The following SNX2 variants were observed in gnomAD, a reference collection of about 807,000 sequenced individuals.
SNX2 encodes the protein sorting nexin-2.
In SNX2, 25 loss-of-function variants were observed where a neutral mutation model predicts 69.9. That is an observed-to-expected ratio of 0.36 (90% CI 0.26 to 0.50). The LOEUF (loss-of-function observed/expected upper bound fraction) is 0.50, where lower values mean the gene tolerates loss of function less well. Ranked by LOEUF, SNX2 falls within the 20% of genes least tolerant of loss-of-function variation. The pLI, the probability that SNX2 is intolerant of heterozygous loss-of-function variation, is 0.97. For missense variants in SNX2, 551 were observed against 613.3 expected, an observed-to-expected ratio of 0.90 and a Z score of 1.07; for synonymous variants, 229 against 200.4, an observed-to-expected ratio of 1.14 and a Z score of -1.20.
At position 122,830,036 on chromosome 5, in the gene SNX2, T is replaced by A. The variant is rs765516684; in HGVS notation, c.*388T>A. On this transcript the variant is annotated 3_prime_UTR_variant, in exon 15 of 15. Transcript: ENST00000379516. The stretch of plus-strand genomic sequence containing the variant: ...AGTGAATTACCAATGCTTTGAATAA[T>A]GTTCACTTATACATTCCTGTACAGA... 30 of 165,686 alleles carry A rather than the reference T, an allele frequency of 1.8e-4. No individual in the cohort carries two copies. The highest frequency in any genetic ancestry group is 3.3e-4 in the Non-Finnish European group (25 of 76,316). The allele number at this position is 165,686 out of a possible 1,614,324, so 10.3% of individuals were successfully genotyped here. A position where few individuals can be genotyped will look rare whatever the true frequency, so the allele number is the denominator to read the frequency against.
chr5:122,813,712 A>G (rs1753831930), intron 7 of SNX2, among the ~76,000 whole-genome samples: 1 of 151,702 alleles, frequency 6.6e-6, no homozygotes, highest in South Asian at 2.1e-4. Flanking sequence ...AAGCTGTTTT[A>G]GAATATAAAT....
intron 1 of SNX2, among the ~76,000 whole-genome samples, chr5:122,784,132 G>T (rs1373557318): frequency 6.6e-6 from 1 of 151,388 alleles, no homozygotes; most frequent in Non-Finnish European, 1.5e-5. Flanking sequence ...GTAGGTTTTT[G>T]TAGAGTCCGA....
In SNX2 at chr5:122,797,328, A is replaced by T. The variant is rs74846964; in HGVS notation, c.226+1945A>T. ...GTGTTTGTTTTAAAAAAAGAGAGAG[A>T]TGGGAACTAAAGAACAATAAACATA... On this transcript the variant is annotated intron_variant, in intron 2 of 14. Transcript: ENST00000379516. 3.9e-5 allele frequency among the ~76,000 whole-genome samples: 6 copies of T among 152,350 alleles called. No homozygotes were observed. The East Asian group carries it at 1.2e-3, about 29-fold the overall frequency.
chr5:122,790,601 A>G (rs1753211357), intron 1 of SNX2, among the ~76,000 whole-genome samples: 1 of 152,198 alleles, frequency 6.6e-6, no homozygotes, highest in African/African-American at 2.4e-5. Flanking sequence ...TTATAACCTA[A>G]TGTCAGAAGT....
intron 7 of SNX2, among the ~76,000 whole-genome samples, chr5:122,811,825 C>CTAAATAAATAAA (rs376912042): frequency 0.11 from 14,645 of 131,820 alleles, 909 homozygotes; most frequent in African/African-American, 0.17. Context: ...GACTCCGTCT[C>CTAAATAAATAAA]TAAATAAATA....
chr5:122,826,343 A>G (rs1754149767), intron 12 of SNX2, 150 bp downstream of exon 12: 1 of 664,448 alleles, frequency 1.5e-6, no homozygotes, highest in East Asian at 3.0e-5. Context: ...TAACATTTTG[A>G]TCATTATTAT....
At chr5:122,802,152 T>C (rs765010484) in intron 5 of SNX2, 28 bp downstream of exon 5, 3 of 1,591,696 alleles carry the variant, frequency 1.9e-6, no homozygotes, top group Non-Finnish European at 2.6e-6. Context: ...TTAAAAAAAC[T>C]ATCGAGCCCT....
At chr5:122,822,866 C>T (rs952254995) in intron 11 of SNX2, among the ~76,000 whole-genome samples, 1 of 152,078 alleles carries the variant, frequency 6.6e-6, no homozygotes, top group Non-Finnish European at 1.5e-5. Context: ...ATAAAACATA[C>T]TAAAAAAATG....
At chr5:122,794,372 C>A (rs1011212235) in intron 1 of SNX2, among the ~76,000 whole-genome samples, 2 of 152,084 alleles carry the variant, frequency 1.3e-5, no homozygotes, top group Admixed American at 6.6e-5. Context: ...ATATAAATGT[C>A]TTGAGAGGTC....
intron 6 of SNX2, among the ~76,000 whole-genome samples, chr5:122,807,449 C>A (rs560770207): frequency 1.3e-5 from 2 of 152,266 alleles, no homozygotes; most frequent in South Asian, 2.1e-4. Context: ...CTTTCTTTCT[C>A]TAAGTATTTA....
intron 1 of SNX2, among the ~76,000 whole-genome samples, chr5:122,779,581 T>C (rs1752926442): frequency 6.6e-6 from 1 of 152,202 alleles, no homozygotes; most frequent in South Asian, 2.1e-4. Flanking sequence ...TGGTTATGAA[T>C]ATGACCATGA....
intron 11 of SNX2, among the ~76,000 whole-genome samples, chr5:122,821,688 C>T (rs905935353): frequency 3.9e-5 from 6 of 152,136 alleles, no homozygotes; most frequent in Admixed American, 3.9e-4. Flanking sequence ...ATCTCCTGAC[C>T]TCATGATCCG....
intron 1 of SNX2, among the ~76,000 whole-genome samples, chr5:122,791,103 A>G (rs796300060): frequency 6.9e-6 from 1 of 145,674 alleles, no homozygotes; most frequent in Non-Finnish European, 1.5e-5. Flanking sequence ...AGGTGGATGC[A>G]CTATAGGCTA....
intron 9 of SNX2, 40 bp downstream of exon 9, chr5:122,817,068 A>C (rs776221472): frequency 2.4e-5 from 33 of 1,381,120 alleles, no homozygotes; most frequent in Admixed American, 3.4e-5. Flanking sequence ...GAGATGAATT[A>C]ATGAGCCCAA....
intron 1 of SNX2, among the ~76,000 whole-genome samples, chr5:122,785,902 A>T (rs1172858427): frequency 6.6e-6 from 1 of 152,060 alleles, no homozygotes; most frequent in Admixed American, 6.6e-5. Context: ...GTTGGTTGAT[A>T]TTTTTCTGTC....
chr5:122,814,629 A>G (rs953161541), intron 7 of SNX2, among the ~76,000 whole-genome samples: 6 of 152,220 alleles, frequency 3.9e-5, no homozygotes, highest in African/African-American at 1.4e-4. Flanking sequence ...TCTTATAAAA[A>G]GGTAGAAGAA....
intron 7 of SNX2, among the ~76,000 whole-genome samples, chr5:122,810,397 A>G (rs1423052147): frequency 7.6e-6 from 1 of 131,034 alleles, no homozygotes; most frequent in Non-Finnish European, 1.6e-5. Context: ...AGAATGATCA[A>G]TTAAAAAAAA....
intron 1 of SNX2, among the ~76,000 whole-genome samples, chr5:122,776,321 A>T (rs1752855330): frequency 6.6e-6 from 1 of 152,098 alleles, no homozygotes; most frequent in Non-Finnish European, 1.5e-5. Context: ...CTAATTGTAT[A>T]TGCAGTGTCC....
intron 1 of SNX2, among the ~76,000 whole-genome samples, chr5:122,785,840 T>A (rs1753073270): frequency 6.6e-6 from 1 of 152,204 alleles, no homozygotes; most frequent in Admixed American, 6.5e-5. Flanking sequence ...TTGAAAAGAA[T>A]GTATATATAG....
Sources: allele counts gnomAD v4.1 joint callset (sites outside exome capture counted in the v4.1 genomes callset), GRCh38; gene constraint gnomAD v4.1.1; transcripts MANE v1.5; gene names NCBI Gene and HGNC (gene_info 2026-07-23, HGNC 2026-07-21).